The following AGL variants were observed in gnomAD, a reference collection of about 807,000 sequenced individuals.
AGL encodes the protein amylo-alpha-1,6-glucosidase and 4-alpha-glucanotransferase.
A neutral mutation model predicts 199.3 loss-of-function variants in AGL; 128 were observed. That is an observed-to-expected ratio of 0.64 (90% CI 0.56 to 0.74). AGL has a LOEUF of 0.74. Ranked by LOEUF, AGL falls within the 30% of genes least tolerant of loss-of-function variation. The probability of loss-of-function intolerance (pLI) is 0.00; values close to 1 mark genes in which losing one functional copy is unlikely to be tolerated. For missense variants in AGL, 1,809 were observed against 1,820.8 expected, an observed-to-expected ratio of 0.99 and a Z score of 0.12; for synonymous variants, 584 against 594.7, an observed-to-expected ratio of 0.98 and a Z score of 0.26.
In AGL at chr1:99,862,255, A is replaced by T. The variant is rs1057516868; in HGVS notation, c.294-2A>T. On this transcript the variant is annotated splice_acceptor_variant, in intron 3 of 33. Transcript: ENST00000361915. LOFTEE classifies it high-confidence loss of function. ...AAGTTTTTGTTTTGTTTTTTCCCTT[A>T]GAAATGAGAAAAGTGGTGGAGGTTA... 3 of 1,613,948 alleles carry T rather than the reference A, an allele frequency of 1.9e-6. No individual in the cohort carries two copies. Among genetic ancestry groups the T allele is most frequent in the Middle Eastern group, 3.3e-4 (2 of 6,060 alleles).
At chr1:99,915,913 A>G (rs1458861868) in intron 31 of AGL, among the ~76,000 whole-genome samples, 1 of 152,208 alleles carries the variant, frequency 6.6e-6, no homozygotes, top group Non-Finnish European at 1.5e-5. Flanking sequence ...ATAAAGCAAT[A>G]TGTATATTCA....
intron 2 of AGL, among the ~76,000 whole-genome samples, chr1:99,856,346 C>T (rs6659534): frequency 5.2e-4 from 22 of 42,582 alleles, no homozygotes; most frequent in African/African-American, 1.5e-3. Context: ...CTCCCTCCCT[C>T]CCTCCCTCCC....
Position 99,884,177 on chromosome 1 carries a change from A to G in AGL, c.2366A>G (p.Tyr789Cys). 6.2e-7 allele frequency: 1 copy of G among 1,612,876 alleles called. No individual in the cohort carries two copies. The highest frequency in any genetic ancestry group is 8.5e-7 in the Non-Finnish European group (1 of 1,179,046). Residue 789 changes from tyrosine (Y) to cysteine (C), a missense_variant, in exon 18 of 34, where the codon TAT (tyrosine) becomes TGT (cysteine). Tyr to Cys is a radical substitution (Grantham distance 194). Transcript: ENST00000361915. The stretch of plus-strand genomic sequence containing the variant: ...ACTATTGAGAGAAACACGAAACCTT[A>G]TAGGAAGGATGAGAATTCAATCAAT... ...ARTIERNTKP[Y>C]RKDENSINGT...
At chr1:99,866,481 A>G (rs571193728) in intron 5 of AGL, among the ~76,000 whole-genome samples, 5 of 152,292 alleles carry the variant, frequency 3.3e-5, no homozygotes, top group African/African-American at 1.2e-4. Context: ...AAGGGCAGGC[A>G]TGTCTTTTTG....
chr1:99,921,403 T>C (rs946451607), intron 33 of AGL, 131 bp from the exon 34 acceptor site: 3 of 723,220 alleles, frequency 4.1e-6, no homozygotes, highest in African/African-American at 1.7e-5. Flanking sequence ...CTTTAGGATA[T>C]TGTTTTATTT....
chr1:99,888,373 G>T (rs535352874), intron 21 of AGL, among the ~76,000 whole-genome samples: 2 of 152,096 alleles, frequency 1.3e-5, no homozygotes, highest in Non-Finnish European at 2.9e-5. Flanking sequence ...CTGAAAACAG[G>T]ATGTAACACA....
chr1:99,899,848 C>T lies in AGL; in HGVS notation c.3363-788C>T, dbSNP rs576561416. On this transcript the variant is annotated intron_variant, in intron 25 of 33. Coordinates refer to ENST00000361915, the MANE Select transcript of AGL (RefSeq NM_000642.3). ...TGTTAGTCAGGATGGTCTCGATCTC[C>T]TGACCTCGTGATCTACCCGCCTCAG... Among the ~76,000 whole-genome samples, 3 of 151,818 alleles carry T rather than the reference C, an allele frequency of 2.0e-5. No homozygotes were observed. In the East Asian group the frequency reaches 5.8e-4, roughly 29 times the overall value.
intron 24 of AGL, among the ~76,000 whole-genome samples, chr1:99,894,324 T>A (rs900308179): frequency 2.6e-5 from 4 of 152,182 alleles, no homozygotes; most frequent in Admixed American, 2.0e-4. Context: ...TGCTAGAGAT[T>A]TTATAGTTTT....
chr1:99,861,234 G>GT, intron 2 of AGL: 1 of 1,307,870 alleles, frequency 7.6e-7, no homozygotes, highest in African/African-American at 1.5e-5. Flanking sequence ...CACATCCCAA[G>GT]TTGCTATGTG....
chr1:99,858,120 A>C (rs147840629), intron 2 of AGL, among the ~76,000 whole-genome samples: 2 of 152,262 alleles, frequency 1.3e-5, no homozygotes, highest in African/African-American at 4.8e-5. Context: ...TACGGGTTAT[A>C]TTATCTTAAA....
In AGL at chr1:99,867,633, G is replaced by A. The variant is rs559243586; in HGVS notation, c.665-2767G>A. Reference sequence around the variant, plus strand: ...TGCAGTGGCGCAGTCTTGGCTCACTGCAGCCTCCACCTCCCGGGTTCAAGC... The same window carrying A: ...TGCAGTGGCGCAGTCTTGGCTCACTACAGCCTCCACCTCCCGGGTTCAAGC... On this transcript the variant is annotated intron_variant, in intron 5 of 33. Transcript: ENST00000361915. Among the ~76,000 whole-genome samples, 4 of 151,024 alleles carry A rather than the reference G, an allele frequency of 2.6e-5. No individual in the cohort carries two copies. The South Asian group carries it at 8.3e-4, about 32-fold the overall frequency.
At chr1:99,877,363 T>G (rs1210128443) in intron 11 of AGL, among the ~76,000 whole-genome samples, 1 of 152,218 alleles carries the variant, frequency 6.6e-6, no homozygotes, top group African/African-American at 2.4e-5. Flanking sequence ...GCCTATGATA[T>G]TAACATTTCT....
At chr1:99,893,721 A>G (rs1184163529) in intron 24 of AGL, among the ~76,000 whole-genome samples, 1 of 152,242 alleles carries the variant, frequency 6.6e-6, no homozygotes, top group Non-Finnish European at 1.5e-5. Context: ...TAAAAAATTA[A>G]GTTGATAAAC....
intron 26 of AGL, among the ~76,000 whole-genome samples, chr1:99,902,438 T>A (rs1326671753): frequency 6.6e-6 from 1 of 152,224 alleles, no homozygotes; most frequent in African/African-American, 2.4e-5. Flanking sequence ...AGATTTGTTT[T>A]TGTGTATCAG....
rs1651357240 is a variant in AGL, at chr1:99,874,750, A to G, written c.1022A>G (p.Tyr341Cys). The stretch of plus-strand genomic sequence containing the variant: ...CTTACGATTATTCAAGATCCTGAAT[A>G]CAGACGGTTTGGCTGTACTGTAGAT... ...QHLTIIQDPE[Y>C]RRFGCTVDMN... The change falls in exon 8 of 34, where the codon TAC (tyrosine) becomes TGC (cysteine). Residue 341 changes from tyrosine to cysteine, a missense_variant. By Grantham distance (194) the Tyr-to-Cys change is radical. Transcript: ENST00000361915. The G allele has an allele frequency of 1.9e-6, 3 of 1,602,278 alleles. No homozygotes were observed. In the East Asian group the frequency reaches 6.7e-5, roughly 36 times the overall value.
chr1:99,884,498 AG>A (rs1258530102), intron 19 of AGL, 47 bp downstream of exon 19: 1 of 1,600,600 alleles, frequency 6.2e-7, no homozygotes, highest in South Asian at 1.1e-5. Flanking sequence ...TATTTAAAAT[AG>A]TTTGCATATC....
At position 99,920,936 on chromosome 1, in the gene AGL, C is replaced by T. The variant is rs1259989855; in HGVS notation, c.4482-598C>T. ...TTTAACCTCTATAAATCTCTCTTAC[C>T]TCTCTATAGATAGGAATACTTATGG... On this transcript the variant is annotated intron_variant, in intron 33 of 33. Transcript: ENST00000361915. Among the ~76,000 whole-genome samples, 3 of 152,116 alleles carry T rather than the reference C, an allele frequency of 2.0e-5. No individual in the cohort carries two copies. The East Asian group carries it at 5.8e-4, about 29-fold the overall frequency.
At chr1:99,905,978 CAT>C (rs1281228071) in intron 27 of AGL, among the ~76,000 whole-genome samples, 5 of 152,048 alleles carry the variant, frequency 3.3e-5, no homozygotes, top group Admixed American at 2.6e-4. Flanking sequence ...GTAAAATAGA[CAT>C]AATGTATATT....
rs1651438326 is a variant in AGL, at chr1:99,875,406, C to T, written c.1234C>T (p.His412Tyr). 6.2e-7 allele frequency: 1 copy of T among 1,614,138 alleles called. No individual in the cohort carries two copies. Among genetic ancestry groups the T allele is most frequent in the Non-Finnish European group, 8.5e-7 (1 of 1,180,010 alleles). Residue 412 changes from histidine (H) to tyrosine (Y), a missense_variant, in exon 10 of 34, where the codon CAT (histidine) becomes TAT (tyrosine). Physicochemically the swap from His to Tyr is moderately conservative, Grantham distance 83. Coordinates refer to ENST00000361915, the MANE Select transcript of AGL (RefSeq NM_000642.3). The part of the protein sequence containing the change: ...GNVFYERLAG[H>Y]GPKLGPVTRK... ...TGTGTTTTATGAACGACTGGCTGGC[C>T]ATGGTCCAAAACTAGGACCTGTCAC... is the stretch of plus-strand genomic sequence containing the variant.
Sources: allele counts gnomAD v4.1 joint callset (sites outside exome capture counted in the v4.1 genomes callset), GRCh38; gene constraint gnomAD v4.1.1; transcripts MANE v1.5; gene names NCBI Gene and HGNC (gene_info 2026-07-23, HGNC 2026-07-21).